Variants in COL19A1 observed in about 807,000 individuals in gnomAD.
COL19A1 encodes the protein collagen alpha-1(XIX) chain.
Under a neutral mutation model 190.2 loss-of-function variants are expected in COL19A1, and 159 were observed. That is an observed-to-expected ratio of 0.84 (90% CI 0.73 to 0.95). COL19A1 has a LOEUF of 0.95. Ranked by LOEUF, COL19A1 falls within the 40% of genes least tolerant of loss-of-function variation. The pLI, the probability that COL19A1 is intolerant of heterozygous loss-of-function variation, is 0.00. For missense variants in COL19A1, 1,418 were observed against 1,431.9 expected (o/e 0.99, Z 0.16); for synonymous variants, 509 against 458.9 (o/e 1.11, Z -1.39).
chr6:70,076,354 G>C (rs568096678), intron 15 of COL19A1, among the ~76,000 whole-genome samples: 1 of 151,978 alleles, frequency 6.6e-6, no homozygotes, highest in South Asian at 2.1e-4. Context: ...TTTAAAATAG[G>C]GATATTGAGA....
chr6:70,109,951 C>T (rs1784191966), intron 16 of COL19A1, among the ~76,000 whole-genome samples: 1 of 152,146 alleles, frequency 6.6e-6, no homozygotes, highest in South Asian at 2.1e-4. Flanking sequence ...GAACTAAGTG[C>T]CTTCCGGCAC....
intron 14 of COL19A1, among the ~76,000 whole-genome samples, chr6:70,044,868 CAT>C (rs1221804016): frequency 6.6e-6 from 1 of 152,122 alleles, no homozygotes; most frequent in Non-Finnish European, 1.5e-5. Context: ...TTAAGACTAT[CAT>C]GTGAATTTTT....
intron 14 of COL19A1, among the ~76,000 whole-genome samples, chr6:70,041,943 C>G (rs1048056745): frequency 6.6e-6 from 1 of 152,070 alleles, no homozygotes; most frequent in African/African-American, 2.4e-5. Flanking sequence ...TGATGGATGC[C>G]TGTAATCCCA....
intron 1 of COL19A1, among the ~76,000 whole-genome samples, chr6:69,868,881 GGT>G (rs1767645663): frequency 2.0e-5 from 3 of 152,188 alleles, no homozygotes. Context: ...CAGAGTCAAT[GGT>G]TCTAGAGGCG....
chr6:70,133,361 G>A (rs566697903), intron 18 of COL19A1, among the ~76,000 whole-genome samples: 1 of 152,154 alleles, frequency 6.6e-6, no homozygotes, highest in African/African-American at 2.4e-5. Context: ...CCCTGGTTTA[G>A]CAGCCACATC....
At chr6:70,048,225 T>G (rs966995715) in intron 14 of COL19A1, among the ~76,000 whole-genome samples, 1 of 152,132 alleles carries the variant, frequency 6.6e-6, no homozygotes, top group Non-Finnish European at 1.5e-5. Context: ...AAATCTCAGC[T>G]GGTCATTTAT....
intron 11 of COL19A1, among the ~76,000 whole-genome samples, chr6:69,984,198 T>C (rs1354927470): frequency 6.6e-6 from 1 of 152,154 alleles, no homozygotes; most frequent in African/African-American, 2.4e-5. Flanking sequence ...GAGAACTACA[T>C]AAAATATAGT....
chr6:70,146,928 T>G, intron 27 of COL19A1, 39 bp downstream of exon 27: 1 of 1,506,362 alleles, frequency 6.6e-7, no homozygotes, highest in Non-Finnish European at 8.9e-7. Flanking sequence ...GATTCCAACA[T>G]TGTGAAACAA....
At chr6:69,899,327 ATT>A (rs966861170) in intron 3 of COL19A1, among the ~76,000 whole-genome samples, 2 of 151,692 alleles carry the variant, frequency 1.3e-5, no homozygotes, top group Non-Finnish European at 2.9e-5. Flanking sequence ...TATTTTTTGT[ATT>A]TTTGGTAGAG....
chr6:70,151,480 G>A (rs769042955), intron 31 of COL19A1, 42 bp downstream of exon 31: 50 of 1,582,828 alleles, frequency 3.2e-5, no homozygotes, highest in East Asian at 2.2e-4. Flanking sequence ...TAATTTCCAG[G>A]AAAAATTAGA....
intron 15 of COL19A1, among the ~76,000 whole-genome samples, chr6:70,083,823 G>C (rs1006192947): frequency 3.9e-5 from 6 of 152,148 alleles, no homozygotes; most frequent in Non-Finnish European, 1.5e-5. Flanking sequence ...ATGTTTCACT[G>C]TCTGTTCTGT....
chr6:70,199,181 A>C (rs1324990890), intron 48 of COL19A1, among the ~76,000 whole-genome samples: 2 of 152,242 alleles, frequency 1.3e-5, no homozygotes, highest in Non-Finnish European at 2.9e-5. Context: ...CCAACTTTGG[A>C]AGACAGTGTC....
At chr6:70,058,015 A>G (rs1478559895) in intron 14 of COL19A1, among the ~76,000 whole-genome samples, 8 of 152,090 alleles carry the variant, frequency 5.3e-5, no homozygotes, top group Admixed American at 4.6e-4. Context: ...TTATTGTTAG[A>G]AGAGTGCTTA....
chr6:70,034,130 C>A, intron 12 of COL19A1, 115 bp from the exon 13 acceptor site: 2 of 761,318 alleles, frequency 2.6e-6, no homozygotes, highest in Non-Finnish European at 4.6e-6. Flanking sequence ...CTCTATACTA[C>A]AAAAGGAAGA....
chr6:70,207,142 G>T lies in COL19A1; in HGVS notation c.3302-5G>T, dbSNP rs375355113. 6.2e-7 allele frequency: 1 copy of T among 1,610,932 alleles called. No individual in the cohort carries two copies. The highest frequency in any genetic ancestry group is 8.5e-7 in the Non-Finnish European group (1 of 1,179,184). On this transcript the variant is annotated splice_polypyrimidine_tract_variant and splice_region_variant and intron_variant, in intron 50 of 50. Coordinates refer to ENST00000620364, the MANE Select transcript of COL19A1 (RefSeq NM_001858.6). Reference sequence around the variant, plus strand: ...TGCATTGTAATTTTTTTTTTATGTCGTTAGCTCTGGGTTTGCCAGGCTCAC... The same window carrying T: ...TGCATTGTAATTTTTTTTTTATGTCTTTAGCTCTGGGTTTGCCAGGCTCAC...
chr6:70,209,186 A>G lies in COL19A1; in HGVS notation c.*1912A>G, dbSNP rs981133493. ...AGATCTAAAATTTGGTGCTATGTGTATATCTTGAGCTTTTAATTTGTTGAA... is the reference window on the plus strand; with the variant it reads ...AGATCTAAAATTTGGTGCTATGTGTGTATCTTGAGCTTTTAATTTGTTGAA... On this transcript the variant is annotated 3_prime_UTR_variant, in exon 51 of 51. Transcript: ENST00000620364. 1 of 152,582 alleles carries G rather than the reference A, an allele frequency of 6.6e-6. No homozygotes were observed. The highest frequency in any genetic ancestry group is 1.5e-5 in the Non-Finnish European group (1 of 68,026). The allele number at this position is 152,582 out of a possible 1,614,324, so 9.5% of individuals were successfully genotyped here.
intron 4 of COL19A1, among the ~76,000 whole-genome samples, chr6:69,907,575 A>G (rs1582357373): frequency 6.6e-6 from 1 of 152,320 alleles, no homozygotes; most frequent in East Asian, 1.9e-4. Context: ...ATTATGTTCA[A>G]TCATTGTTTT....
rs1786277767 is a variant in COL19A1, at chr6:70,141,919, G to A, written c.1509G>A (p.Gln503=). Reference sequence around the variant, plus strand: ...GAGAACCTGGGGTAATAGGATCACAGGGAGTAAAGGTAATTTCCTGGCATT... The same window carrying A: ...GAGAACCTGGGGTAATAGGATCACAAGGAGTAAAGGTAATTTCCTGGCATT... ...DRGEPGVIGS[Q]GVKGEPGDPG... is the part of the protein sequence containing the mutation. Residue 503 remains glutamine, a synonymous_variant, in exon 21 of 51, where the codon CAG becomes CAA. Coordinates refer to ENST00000620364, the MANE Select transcript of COL19A1 (RefSeq NM_001858.6). The A allele has an allele frequency of 1.2e-6, 2 of 1,603,466 alleles. No individual in the cohort carries two copies. Among genetic ancestry groups the A allele is most frequent in the Non-Finnish European group, 8.5e-7 (1 of 1,170,854 alleles).
intron 11 of COL19A1, among the ~76,000 whole-genome samples, chr6:69,971,310 A>G (rs2150055131): frequency 6.6e-6 from 1 of 152,338 alleles, no homozygotes; most frequent in South Asian, 2.1e-4. Context: ...CATCTGTTAA[A>G]TGTGTTTTCT....
Sources: allele counts gnomAD v4.1 joint callset (sites outside exome capture counted in the v4.1 genomes callset), GRCh38; gene constraint gnomAD v4.1.1; transcripts MANE v1.5; gene names NCBI Gene and HGNC (gene_info 2026-07-23, HGNC 2026-07-21).